Variants in SERGEF observed in about 807,000 individuals in gnomAD.
The protein encoded by SERGEF is secretion regulating guanine nucleotide exchange factor, also known as secretion-regulating guanine nucleotide exchange factor.
A neutral mutation model predicts 50.0 loss-of-function variants in SERGEF; 51 were observed. The observed-to-expected ratio is 1.02, with a 90% CI of 0.81 to 1.29. The LOEUF is 1.29. Ranked by LOEUF, SERGEF falls within the 50% of genes most tolerant of loss-of-function variation. The pLI is 0.00. For missense variants in SERGEF, 521 were observed against 557.0 expected (o/e 0.94, Z 0.65); for synonymous variants, 205 against 212.4 (o/e 0.97, Z 0.30).
chr11:17,865,589 G>A (rs1425591230), intron 10 of SERGEF, among the ~76,000 whole-genome samples: 1 of 151,754 alleles, frequency 6.6e-6, no homozygotes, highest in Non-Finnish European at 1.5e-5. Flanking sequence ...TAATGTGTGT[G>A]TTTGTGTTTT....
At chr11:17,978,292 T>A (rs1258128109) in intron 8 of SERGEF, among the ~76,000 whole-genome samples, 1 of 151,136 alleles carries the variant, frequency 6.6e-6, no homozygotes, top group Admixed American at 6.6e-5. Context: ...AAAAAAAAAA[T>A]GTTCTTATTC....
chr11:17,815,687 G>A (rs939617563), intron 10 of SERGEF, among the ~76,000 whole-genome samples: 1 of 151,848 alleles, frequency 6.6e-6, no homozygotes, highest in African/African-American at 2.4e-5. Context: ...ACTTTGGGAG[G>A]CCGAGGTGGG....
rs969182287 is a variant in SERGEF, at chr11:17,918,564, G to A, written c.1012-40320C>T. ...AAAAGGTGCTGTGCCAGGTGCTGTA[G>A]GTGAAAATGTCCCCATGACTTAAGG... On this transcript the variant is annotated intron_variant, in intron 9 of 10. Coordinates refer to ENST00000265965, the MANE Select transcript of SERGEF (RefSeq NM_012139.4). 3 of 282,226 alleles carry A rather than the reference G, an allele frequency of 1.1e-5. No homozygotes were observed. The Admixed American group carries it at 1.4e-4, about 13-fold the overall frequency. The allele number at this position is 282,226 out of a possible 1,614,324, so 17.5% of individuals were successfully genotyped here.
chr11:17,878,882 A>G (rs2133898932), intron 9 of SERGEF, among the ~76,000 whole-genome samples: 1 of 152,264 alleles, frequency 6.6e-6, no homozygotes, highest in South Asian at 2.1e-4. Flanking sequence ...TAAAATCTCA[A>G]AGTATCTACT....
At chr11:17,907,991 T>C (rs1851881780) in intron 9 of SERGEF, among the ~76,000 whole-genome samples, 2 of 152,158 alleles carry the variant, frequency 1.3e-5, no homozygotes, top group Admixed American at 6.5e-5. Flanking sequence ...CTGAACCTAT[T>C]TACTTCTCTC....
At chr11:17,921,026 T>A (rs1473420300) in intron 9 of SERGEF, among the ~76,000 whole-genome samples, 1 of 152,232 alleles carries the variant, frequency 6.6e-6, no homozygotes, top group Non-Finnish European at 1.5e-5. Flanking sequence ...CTTGGTTTAA[T>A]TGCCATTCTG....
At chr11:17,831,556 G>T (rs570939414) in intron 10 of SERGEF, among the ~76,000 whole-genome samples, 6 of 152,326 alleles carry the variant, frequency 3.9e-5, no homozygotes, top group African/African-American at 1.2e-4. Context: ...CATTTCTGAG[G>T]ACTTAAGAGC....
chr11:17,990,977 C>A (rs1262331381), intron 7 of SERGEF, among the ~76,000 whole-genome samples: 1 of 151,918 alleles, frequency 6.6e-6, no homozygotes, highest in Non-Finnish European at 1.5e-5. Context: ...AAAAAAACTC[C>A]ATTTTTTAGT....
intron 10 of SERGEF, 190 bp downstream of exon 10, chr11:17,878,018 T>C (rs1851268781): frequency 3.7e-6 from 2 of 547,674 alleles, no homozygotes; most frequent in East Asian, 3.2e-5. Context: ...TGCTCAATGA[T>C]ATGAATCGAA....
chr11:18,000,455 G>C, intron 5 of SERGEF, 42 bp downstream of exon 5: 1 of 1,348,998 alleles, frequency 7.4e-7, no homozygotes, highest in South Asian at 1.3e-5. Flanking sequence ...TCTCTAAAAA[G>C]TATTAAAAAT....
At chr11:17,989,026 A>G (rs761134729) in intron 7 of SERGEF, among the ~76,000 whole-genome samples, 4 of 152,230 alleles carry the variant, frequency 2.6e-5, no homozygotes, top group Non-Finnish European at 5.9e-5. Context: ...TTTTTCATTC[A>G]ACAAATATTT....
chr11:17,992,226 A>G (rs1400300855), intron 7 of SERGEF, among the ~76,000 whole-genome samples: 1 of 152,206 alleles, frequency 6.6e-6, no homozygotes, highest in African/African-American at 2.4e-5. Flanking sequence ...GAAACATATA[A>G]CAATATAAAA....
At chr11:17,889,692 G>C (rs538921075) in intron 9 of SERGEF, among the ~76,000 whole-genome samples, 2 of 152,172 alleles carry the variant, frequency 1.3e-5, no homozygotes, top group African/African-American at 4.8e-5. Flanking sequence ...TTAGATAAGA[G>C]TATTCTATCA....
At chr11:17,885,580 T>A (rs986985355) in intron 9 of SERGEF, among the ~76,000 whole-genome samples, 5 of 151,966 alleles carry the variant, frequency 3.3e-5, no homozygotes, top group Non-Finnish European at 7.4e-5. Flanking sequence ...TCCCTCGGCC[T>A]CTCAAAGTTC....
At chr11:17,902,681 G>T (rs931739413) in intron 9 of SERGEF, among the ~76,000 whole-genome samples, 1 of 152,176 alleles carries the variant, frequency 6.6e-6, no homozygotes, top group Non-Finnish European at 1.5e-5. Context: ...AGGAATTAGT[G>T]CCTGGTGGCC....
chr11:17,973,151 C>T (rs887987328), intron 8 of SERGEF, among the ~76,000 whole-genome samples: 3 of 152,276 alleles, frequency 2.0e-5, no homozygotes, highest in South Asian at 4.2e-4. Context: ...AAAGGAAAGC[C>T]GCAGTTCCCA....
intron 4 of SERGEF, among the ~76,000 whole-genome samples, chr11:18,001,541 GAGATTGCAAGC>G (rs1398689126): frequency 1.3e-5 from 2 of 152,170 alleles, no homozygotes; most frequent in Admixed American, 1.3e-4. Flanking sequence ...CAGGTCCACG[GAGATTGCAAGC>G]AGACCCAGCT....
chr11:17,934,609 T>G (rs1242384237), intron 9 of SERGEF, among the ~76,000 whole-genome samples: 1 of 152,170 alleles, frequency 6.6e-6, no homozygotes, highest in Non-Finnish European at 1.5e-5. Flanking sequence ...AAAAACTTTA[T>G]AAAGACCCCC....
intron 9 of SERGEF, among the ~76,000 whole-genome samples, chr11:17,921,974 C>T (rs943750844): frequency 2.0e-5 from 3 of 152,152 alleles, no homozygotes; most frequent in Admixed American, 6.5e-5. Context: ...AGCCCACTTT[C>T]CCTAGTGCAA....
Sources: gnomAD v4.1 joint callset for allele counts (sites outside exome capture counted in the v4.1 genomes callset) on GRCh38, gnomAD v4.1.1 for gene constraint, MANE v1.5 for transcripts, NCBI Gene and HGNC (gene_info 2026-07-23, HGNC 2026-07-21) for gene names.